The following DNAI4 variants were observed in gnomAD, a reference collection of about 807,000 sequenced individuals.
DNAI4 encodes dynein axonemal intermediate chain 4, also known as WD repeat domain 78.
A neutral mutation model predicts 105.8 loss-of-function variants in DNAI4; 85 were observed. That is an observed-to-expected ratio of 0.80 (90% CI 0.67 to 0.96). The LOEUF (loss-of-function observed/expected upper bound fraction) is 0.96, where lower values mean the gene tolerates loss of function less well. Ranked by LOEUF, DNAI4 falls within the 40% of genes least tolerant of loss-of-function variation. The pLI is 0.00. For synonymous variants in DNAI4, 352 were observed against 331.5 expected (o/e 1.06, Z -0.67); for missense variants, 1,014 against 1,005.6 (o/e 1.01, Z -0.11).
chr1:66,871,802 C>G (rs1171866790), intron 5 of DNAI4, among the ~76,000 whole-genome samples: 1 of 152,162 alleles, frequency 6.6e-6, no homozygotes, highest in Non-Finnish European at 1.5e-5. Flanking sequence ...TTTTCCATTA[C>G]TTCTTTGATG....
intron 5 of DNAI4, among the ~76,000 whole-genome samples, chr1:66,872,823 G>A (rs1470918801): frequency 2.6e-5 from 4 of 151,566 alleles, no homozygotes; most frequent in South Asian, 2.1e-4. Flanking sequence ...AGCAATTCTC[G>A]TGCCTCAGCC....
At chr1:66,856,491 T>TA (rs968855964) in intron 7 of DNAI4, among the ~76,000 whole-genome samples, 6 of 151,036 alleles carry the variant, frequency 4.0e-5, no homozygotes, top group Non-Finnish European at 5.9e-5. Context: ...AAAATAAAAA[T>TA]AAAAAAAAAT....
At chr1:66,860,576 A>G (rs1434259659) in intron 7 of DNAI4, 1 of 152,060 alleles carries the variant, frequency 6.6e-6, no homozygotes, top group Non-Finnish European at 1.5e-5. Flanking sequence ...AAAATAAAGT[A>G]TATCTTTATT....
chr1:66,848,110 G>C, intron 7 of DNAI4: 1 of 431,298 alleles, frequency 2.3e-6, no homozygotes, highest in South Asian at 1.7e-5. Context: ...GTAGATTAGA[G>C]GCCTAACAGA....
chr1:66,871,659 G>T lies in DNAI4; in HGVS notation c.801-150C>A, dbSNP rs547800931. 6.9e-6 allele frequency: 5 copies of T among 723,836 alleles called. No individual in the cohort carries two copies. In the East Asian group the frequency reaches 1.3e-4, roughly 20 times the overall value. The allele number at this position is 723,836 out of a possible 1,614,324, so 44.8% of individuals were successfully genotyped here. ...GACTTCAAAAAAAGCCTTAGGAAAA[G>T]ACTGCACTAAATGACCTCCAGAGGA... On this transcript the variant is annotated intron_variant, in intron 5 of 16. Transcript: ENST00000371026.
intron 15 of DNAI4, 122 bp downstream of exon 15, chr1:66,826,698 C>G (rs1645760956): frequency 1.3e-6 from 1 of 790,836 alleles, no homozygotes; most frequent in Non-Finnish European, 2.0e-6. Context: ...ATAAAGGACT[C>G]TCATAAACTA....
chr1:66,840,458 TG>T lies in DNAI4; in HGVS notation c.1494+10del, dbSNP rs757061263. ...CTAGAAACAGAATTGTTCAAATGTT[TG>T]ATAACTTACTGGATTTGTTTTATTC... On this transcript the variant is annotated intron_variant, in intron 9 of 16. Transcript: ENST00000371026. 8.1e-6 allele frequency: 13 copies of T among 1,607,122 alleles called. No homozygotes were observed. The African/African-American group carries it at 1.7e-4, about 22-fold the overall frequency.
intron 15 of DNAI4, among the ~76,000 whole-genome samples, chr1:66,822,890 TG>T (rs1645662118): frequency 7.9e-6 from 1 of 126,562 alleles, no homozygotes; most frequent in African/African-American, 2.6e-5. Context: ...CACTAGAATT[TG>T]TTTTTTTTGT....
At chr1:66,873,791 C>T (rs1297500502) in intron 5 of DNAI4, among the ~76,000 whole-genome samples, 3 of 151,586 alleles carry the variant, frequency 2.0e-5, no homozygotes, top group African/African-American at 4.8e-5. Context: ...CATTTCTTCC[C>T]AGCATTTCTC....
intron 11 of DNAI4, among the ~76,000 whole-genome samples, chr1:66,835,044 G>T (rs1169226250): frequency 1.3e-5 from 2 of 151,874 alleles, no homozygotes; most frequent in African/African-American, 4.8e-5. Context: ...TAACTTTTTG[G>T]CTTTCCTCAT....
At chr1:66,909,287 C>T (rs866275577) in intron 1 of DNAI4, among the ~76,000 whole-genome samples, 2 of 144,234 alleles carry the variant, frequency 1.4e-5, no homozygotes, top group Non-Finnish European at 3.0e-5. Flanking sequence ...CCTCTCTCTA[C>T]ACACACACAC....
intron 7 of DNAI4, among the ~76,000 whole-genome samples, chr1:66,854,479 G>A (rs1646459305): frequency 6.6e-6 from 1 of 152,150 alleles, no homozygotes; most frequent in South Asian, 2.1e-4. Flanking sequence ...CTTGAATGCT[G>A]AAAACTACAA....
At chr1:66,894,826 T>C (rs1648176429) in intron 2 of DNAI4, among the ~76,000 whole-genome samples, 1 of 152,206 alleles carries the variant, frequency 6.6e-6, no homozygotes, top group African/African-American at 2.4e-5. Context: ...AAGCCTGGTA[T>C]CTAGGAAAGC....
chr1:66,923,971 C>T (rs1174350976), intron 1 of DNAI4, among the ~76,000 whole-genome samples: 1 of 152,098 alleles, frequency 6.6e-6, no homozygotes, highest in Non-Finnish European at 1.5e-5. Flanking sequence ...ATGGTATTGA[C>T]GAGACGACAA....
At chr1:66,863,066 T>C (rs1404824533) in intron 6 of DNAI4, among the ~76,000 whole-genome samples, 1 of 152,212 alleles carries the variant, frequency 6.6e-6, no homozygotes, top group Non-Finnish European at 1.5e-5. Context: ...TATCGTCTCT[T>C]TTAAAATTAT....
chr1:66,893,320 A>T lies in DNAI4; in HGVS notation c.439T>A (p.Ser147Thr). 3 of 1,610,922 alleles carry T rather than the reference A, an allele frequency of 1.9e-6. No homozygotes were observed. Among genetic ancestry groups the T allele is most frequent in the Non-Finnish European group, 2.5e-6 (3 of 1,178,310 alleles). ...TCTGATCCAAGTGATCCTTCTTGTG[A>T]TGTCAAGAGTTTACTTGGTTTTGCT... is the stretch of plus-strand genomic sequence containing the variant. ...GTAKPSKLLT[S>T]QEGSLGSEFI... is the part of the protein sequence containing the mutation. The change falls in exon 3 of 17, where the codon TCA becomes ACA. Residue 147 changes from serine (S) to threonine (T), a missense_variant. Coordinates refer to ENST00000371026, the MANE Select transcript of DNAI4 (RefSeq NM_024763.5).
chr1:66,888,867 T>C (rs1569780117), intron 4 of DNAI4, among the ~76,000 whole-genome samples: 1 of 152,348 alleles, frequency 6.6e-6, no homozygotes, highest in Admixed American at 6.5e-5. Context: ...AAAGATTTAG[T>C]CTTTATGCTA....
chr1:66,817,667 C>T (rs569120698), intron 16 of DNAI4, among the ~76,000 whole-genome samples: 1 of 151,662 alleles, frequency 6.6e-6, no homozygotes, highest in Non-Finnish European at 1.5e-5. Context: ...CATAGGAAAA[C>T]TGTAATAATT....
chr1:66,826,694 G>A, intron 15 of DNAI4, 126 bp downstream of exon 15: 2 of 732,212 alleles, frequency 2.7e-6, no homozygotes, highest in Non-Finnish European at 2.3e-6. Flanking sequence ...ATTCATAAAG[G>A]ACTCTCATAA....
Sources: gnomAD v4.1 joint callset for allele counts (sites outside exome capture counted in the v4.1 genomes callset) on GRCh38, gnomAD v4.1.1 for gene constraint, MANE v1.5 for transcripts, NCBI Gene and HGNC (gene_info 2026-07-23, HGNC 2026-07-21) for gene names.